DLG2: variants seen among roughly 807,000 people sequenced by gnomAD.
DLG2 encodes disks large homolog 2.
DLG2 carries 45 observed loss-of-function variants against 132.5 expected under a neutral mutation model. The ratio of observed to expected loss-of-function variants is 0.34; its 90% CI spans 0.27 to 0.44. The LOEUF (loss-of-function observed/expected upper bound fraction) is 0.44. DLG2 is among the 20% of genes least tolerant of loss of function. DLG2 has a pLI of 1.00. For missense variants in DLG2, 1,045 were observed against 1,196.9 expected (o/e 0.87, Z 1.87); for synonymous variants, 424 against 419.6 (o/e 1.01, Z -0.13).
chr11:84,270,815 A>G (rs892423765), intron 7 of DLG2, among the ~76,000 whole-genome samples: 1 of 152,144 alleles, frequency 6.6e-6, no homozygotes, highest in Non-Finnish European at 1.5e-5. Context: ...GACATTGTTC[A>G]TTTTCAAGTA....
intron 3 of DLG2, among the ~76,000 whole-genome samples, chr11:85,504,432 G>A (rs2093879639): frequency 6.6e-6 from 1 of 152,102 alleles, no homozygotes; most frequent in African/African-American, 2.4e-5. Context: ...TCTACATATG[G>A]CTAGCCAGTT....
intron 19 of DLG2, among the ~76,000 whole-genome samples, chr11:83,618,472 T>A (rs1056598675): frequency 6.6e-5 from 10 of 152,186 alleles, no homozygotes; most frequent in African/African-American, 2.4e-4. Context: ...TATAAGACGC[T>A]AGGTGATTTA....
At chr11:83,766,497 T>G (rs1386260189) in intron 18 of DLG2, among the ~76,000 whole-genome samples, 1 of 151,950 alleles carries the variant, frequency 6.6e-6, no homozygotes, top group Non-Finnish European at 1.5e-5. Flanking sequence ...GTGTTCCTCC[T>G]TCTTATAAAT....
At chr11:85,461,138 G>A (rs747364402) in intron 3 of DLG2, among the ~76,000 whole-genome samples, 1 of 152,048 alleles carries the variant, frequency 6.6e-6, no homozygotes, top group Non-Finnish European at 1.5e-5. Context: ...TACACACCAG[G>A]GAATCCAGCA....
At chr11:83,751,817 T>C (rs75682902) in intron 18 of DLG2, among the ~76,000 whole-genome samples, 2,344 of 152,294 alleles carry the variant, frequency 0.015, 55 homozygotes, top group African/African-American at 0.053. Flanking sequence ...GACATTTAAG[T>C]AGAGAAGTCA....
Position 83,874,405 on chromosome 11 carries a change from GTA to G in DLG2, c.1565+13_1565+14del, listed in dbSNP as rs774045334. On this transcript the variant is annotated intron_variant, in intron 16 of 27. Coordinates refer to ENST00000376104, the MANE Select transcript of DLG2 (RefSeq NM_001142699.3). ...AAGGCTGCACAGTTTAAGAGGTTCT[GTA>G]TTATTATCTTACCCTTCCAGGGAGA... is the stretch of plus-strand genomic sequence containing the variant. 7.6e-6 allele frequency: 12 copies of G among 1,578,124 alleles called. No individual in the cohort carries two copies. Among genetic ancestry groups the G allele is most frequent in the Non-Finnish European group, 1.0e-5 (12 of 1,156,042 alleles).
At chr11:84,292,570 A>C (rs1231475041) in intron 7 of DLG2, among the ~76,000 whole-genome samples, 2 of 152,236 alleles carry the variant, frequency 1.3e-5, no homozygotes, top group African/African-American at 2.4e-5. Context: ...CAATTCTTCC[A>C]AGCTAGCTTT....
At chr11:84,039,977 T>C (rs2096012678) in intron 11 of DLG2, among the ~76,000 whole-genome samples, 1 of 149,986 alleles carries the variant, frequency 6.7e-6, no homozygotes, top group Non-Finnish European at 1.5e-5. Flanking sequence ...CCAGTGATGA[T>C]GAGCATTTTT....
At chr11:85,514,690 G>A (rs1007992806) in intron 3 of DLG2, among the ~76,000 whole-genome samples, 11 of 151,850 alleles carry the variant, frequency 7.2e-5, no homozygotes, top group Non-Finnish European at 4.4e-5. Flanking sequence ...AAACAGAGTT[G>A]TTAAATAGAT....
chr11:83,660,239 A>T (rs2073908087), intron 18 of DLG2, among the ~76,000 whole-genome samples: 1 of 152,228 alleles, frequency 6.6e-6, no homozygotes, highest in South Asian at 2.1e-4. Flanking sequence ...AATACACAGA[A>T]ACAATAACAT....
At chr11:83,586,080 G>A (rs936506569) in intron 19 of DLG2, among the ~76,000 whole-genome samples, 1 of 152,206 alleles carries the variant, frequency 6.6e-6, no homozygotes, top group Non-Finnish European at 1.5e-5. Flanking sequence ...GTGTGCAAGT[G>A]CTGAGCATTA....
At chr11:85,607,406 T>C (rs6592254) in intron 2 of DLG2, among the ~76,000 whole-genome samples, 9,642 of 152,136 alleles carry the variant, frequency 0.063, 994 homozygotes, top group African/African-American at 0.22. Flanking sequence ...CAGCCATGAG[T>C]GAAACTCAAA....
Position 83,822,804 on chromosome 11 carries a change from C to T in DLG2, c.1722+10810G>A, listed in dbSNP as rs1023263373. Among the ~76,000 whole-genome samples the T allele has an allele frequency of 5.3e-5, 8 of 152,064 alleles. 1 individual carries two copies. The highest frequency in any genetic ancestry group is 1.2e-4 in the African/African-American group (5 of 41,388). ...TTTCATATAAGTTACCTGGAACTGA[C>T]GTCTGTTGTCTGGAGTCAAGAACTC... On this transcript the variant is annotated intron_variant, in intron 17 of 27. Coordinates refer to ENST00000376104, the MANE Select transcript of DLG2 (RefSeq NM_001142699.3).
intron 7 of DLG2, among the ~76,000 whole-genome samples, chr11:84,380,559 GGAATGCTGCTAAAATGATT>G (rs1397189518): frequency 1.3e-5 from 2 of 151,822 alleles, no homozygotes; most frequent in African/African-American, 4.8e-5. Flanking sequence ...TACAATATGT[GGAATGCTGCTAAAATGATT>G]GAAAGAAGAA....
intron 3 of DLG2, among the ~76,000 whole-genome samples, chr11:85,460,588 T>C (rs974191665): frequency 4.6e-5 from 7 of 152,236 alleles, no homozygotes; most frequent in African/African-American, 1.7e-4. Flanking sequence ...GATGTTCCAG[T>C]TGAAGATACA....
intron 18 of DLG2, chr11:83,720,761 A>C (rs868257526): frequency 1.4e-5 from 1 of 69,334 alleles, no homozygotes. Context: ...TTTTTTTTTA[A>C]TTACCAGAGA....
At chr11:84,493,744 T>A (rs952110110) in intron 7 of DLG2, among the ~76,000 whole-genome samples, 14 of 152,094 alleles carry the variant, frequency 9.2e-5, no homozygotes, top group Admixed American at 5.2e-4. Context: ...TAATCTCTAC[T>A]TTTATAGGTC....
chr11:84,842,385 C>T (rs562171338), intron 6 of DLG2, among the ~76,000 whole-genome samples: 24 of 152,048 alleles, frequency 1.6e-4, no homozygotes, highest in African/African-American at 4.1e-4. Context: ...CAATGTCCCC[C>T]GTATGTCCAT....
intron 6 of DLG2, among the ~76,000 whole-genome samples, chr11:84,733,402 C>T (rs369204641): frequency 6.6e-6 from 1 of 152,166 alleles, no homozygotes; most frequent in African/African-American, 2.4e-5. Context: ...TGATGATGAG[C>T]ATTTTTTACT....
Sources: gnomAD v4.1 joint callset for allele counts (sites outside exome capture counted in the v4.1 genomes callset) on GRCh38, gnomAD v4.1.1 for gene constraint, MANE v1.5 for transcripts, NCBI Gene and HGNC (gene_info 2026-07-23, HGNC 2026-07-21) for gene names.